NECAB3: variants seen among roughly 807,000 people sequenced by gnomAD.
NECAB3 encodes the protein N-terminal EF-hand calcium binding protein 3.
A neutral mutation model predicts 57.2 loss-of-function variants in NECAB3; 38 were observed. The observed-to-expected ratio is 0.66, with a 90% CI of 0.51 to 0.87. The LOEUF (loss-of-function observed/expected upper bound fraction) is 0.87. Among genes scored for constraint, NECAB3 ranks in the 40% least tolerant of loss-of-function variants. NECAB3 has a pLI of 0.00. For missense variants in NECAB3, 474 were observed against 527.5 expected, an observed-to-expected ratio of 0.90 and a Z score of 0.99; for synonymous variants, 223 against 222.6, an observed-to-expected ratio of 1.00 and a Z score of -0.02.
chr20:33,663,584 C>G, intron 5 of NECAB3: 1 of 1,611,492 alleles, frequency 6.2e-7, no homozygotes. Flanking sequence ...CTGGCCAACG[C>G]TGGGCAACGG....
chr20:33,659,861 C>G (rs2017408137), intron 7 of NECAB3, 24 bp downstream of exon 7: 6 of 1,539,978 alleles, frequency 3.9e-6, no homozygotes, highest in Non-Finnish European at 5.2e-6. Context: ...CTCGGCCAGG[C>G]CTCCCACCCC....
At chr20:33,663,762 G>C (rs1342781316) in intron 5 of NECAB3, 23 of 1,454,350 alleles carry the variant, frequency 1.6e-5, no homozygotes, top group Non-Finnish European at 2.1e-5. Context: ...TGAGCTGGCC[G>C]CGGCTGCTCT....
At chr20:33,668,071 T>A (rs756268963) in intron 5 of NECAB3, 1 of 1,579,174 alleles carries the variant, frequency 6.3e-7, no homozygotes, top group Non-Finnish European at 8.6e-7. Flanking sequence ...GCGGCACGGC[T>A]ACGCGGCCCT....
chr20:33,659,740 TG>T lies in NECAB3; in HGVS notation c.644-9del. 6.3e-7 allele frequency: 1 copy of T among 1,583,042 alleles called. No individual in the cohort carries two copies. The highest frequency in any genetic ancestry group is 1.1e-5 in the South Asian group (1 of 88,362). ...CGGCCTCTGAGCTGCGCCCTGTGTG[TG>T]GGGCCCGTGCAGGGTCAGGCAGGGG... On this transcript the variant is annotated splice_polypyrimidine_tract_variant and intron_variant, in intron 7 of 11. Transcript: ENST00000246190.
At chr20:33,665,245 G>C (rs2048140608) in intron 5 of NECAB3, 2 of 152,398 alleles carry the variant, frequency 1.3e-5, no homozygotes, top group African/African-American at 4.8e-5. Flanking sequence ...GGAGGCTGAG[G>C]CAGGCAGATC....
At chr20:33,672,219 T>C in intron 2 of NECAB3, 179 bp downstream of exon 2, 1 of 723,346 alleles carries the variant, frequency 1.4e-6, no homozygotes. Context: ...CTCTCCATCC[T>C]GCCAAACTTG....
In NECAB3 at chr20:33,658,489, G is replaced by C. The variant is rs987600067; in HGVS notation, c.1058C>G (p.Ala353Gly). ...CTGGCACTCATACCTTCTCCAGGAG[G>C]CCTCATCCTGCCAGAACTCATACAG... The part of the protein sequence containing the change: ...FTLYEFWQDE[A>G]SWRRHQQSPG... Residue 353 changes from alanine (A) to glycine (G), a missense_variant, in exon 10 of 12, where the codon GCC (alanine) becomes GGC (glycine). Physicochemically the swap from Ala to Gly is moderately conservative, Grantham distance 60 (BLOSUM62 0). Transcript: ENST00000246190. 5 of 1,613,988 alleles carry C rather than the reference G, an allele frequency of 3.1e-6. No homozygotes were observed. In the African/African-American group the frequency reaches 5.3e-5, roughly 17 times the overall value.
chr20:33,663,777 C>G, intron 5 of NECAB3: 1 of 1,434,664 alleles, frequency 7.0e-7, no homozygotes, highest in Non-Finnish European at 9.1e-7. Context: ...TGCTCTCGCG[C>G]TTCCGGTCCC....
chr20:33,662,546 G>T, intron 5 of NECAB3: 1 of 1,489,024 alleles, frequency 6.7e-7, no homozygotes. Context: ...TGGGTGGGAA[G>T]GGATGCTGGG....
At chr20:33,665,885 C>T (rs1290892683) in intron 5 of NECAB3, among the ~76,000 whole-genome samples, 1 of 152,138 alleles carries the variant, frequency 6.6e-6, no homozygotes, top group Non-Finnish European at 1.5e-5. Context: ...GAGTTCGAGA[C>T]CAGCCTGGCC....
At chr20:33,659,814 G>A in intron 7 of NECAB3, 71 bp downstream of exon 7, 2 of 1,531,384 alleles carry the variant, frequency 1.3e-6, no homozygotes, top group Non-Finnish European at 1.8e-6. Flanking sequence ...GGCAGTGAAG[G>A]AGCGGGCCCT....
intron 2 of NECAB3, among the ~76,000 whole-genome samples, chr20:33,671,672 G>C (rs747240941): frequency 2.6e-5 from 4 of 152,294 alleles, no homozygotes; most frequent in South Asian, 2.1e-4. Flanking sequence ...AGTCATCTAG[G>C]GGGAGCAGCC....
chr20:33,658,165 T>C, intron 10 of NECAB3, 132 bp from the exon 11 acceptor site: 1 of 801,398 alleles, frequency 1.2e-6, no homozygotes, highest in Non-Finnish European at 2.0e-6. Context: ...GGGGAAGCTG[T>C]GTGGGTGGAA....
At chr20:33,662,310 T>G (rs1329303500) in intron 5 of NECAB3, 1 of 1,548,080 alleles carries the variant, frequency 6.5e-7, no homozygotes, top group Non-Finnish European at 8.7e-7. Flanking sequence ...GCAGACGGAG[T>G]GTGGGCCATC....
In NECAB3 at chr20:33,674,366, G is replaced by A; in HGVS notation, c.-14C>T. The stretch of plus-strand genomic sequence containing the variant: ...CGCGCACGCCATGGCGCCGCCACCC[G>A]CTCGGGCTCGGCTGCGGTTGCTGCC... On this transcript the variant is annotated 5_prime_UTR_variant, in exon 1 of 12. Coordinates refer to ENST00000246190, the MANE Select transcript of NECAB3 (RefSeq NM_031232.4). The A allele has an allele frequency of 3.4e-6, 4 of 1,171,152 alleles. No individual in the cohort carries two copies. The highest frequency in any genetic ancestry group is 4.2e-6 in the Non-Finnish European group (4 of 949,032). The allele number at this position is 1,171,152 out of a possible 1,614,324, so 72.5% of individuals were successfully genotyped here.
chr20:33,668,803 T>G (rs1294010876), intron 5 of NECAB3, among the ~76,000 whole-genome samples: 1 of 152,248 alleles, frequency 6.6e-6, no homozygotes, highest in Admixed American at 6.5e-5. Flanking sequence ...AGATATTTCT[T>G]GAACACACAA....
At position 33,661,297 on chromosome 20, in the gene NECAB3, A is replaced by G. The variant is rs952317471; in HGVS notation, c.388-902T>C. 2.6e-5 allele frequency among the ~76,000 whole-genome samples: 4 copies of G among 151,238 alleles called. 1 individual carries two copies. Among genetic ancestry groups the G allele is most frequent in the African/African-American group, 9.7e-5 (4 of 41,216 alleles). ...TCCTGAGAATTGCCTAACCCCTACC[A>G]CACACACACACACGCATCAGGGTGG... On this transcript the variant is annotated intron_variant, in intron 5 of 11. Coordinates refer to ENST00000246190, the MANE Select transcript of NECAB3 (RefSeq NM_031232.4).
chr20:33,672,358 A>T, intron 2 of NECAB3, 40 bp downstream of exon 2: 1 of 1,613,320 alleles, frequency 6.2e-7, no homozygotes, highest in Non-Finnish European at 8.5e-7. Flanking sequence ...GATGCCTCCC[A>T]CCCTGCCCCA....
rs576975573 is a variant in NECAB3 at position 33,670,695 on chromosome 20, C to G, written c.252G>C (p.Gly84=). The stretch of plus-strand genomic sequence containing the variant: ...CCTCTCATACTCACTCGGTGAGATG[C>G]CCATCAATGCCGCTGAACAGTTCCT... ...ELQELFSGID[G]HLTDNLETEK... The change falls in exon 3 of 12, where the codon GGG becomes GGC. Residue 84 remains glycine (G), a synonymous_variant. Coordinates refer to ENST00000246190, the MANE Select transcript of NECAB3 (RefSeq NM_031232.4). The G allele has an allele frequency of 1.1e-5, 17 of 1,613,342 alleles. No individual in the cohort carries two copies. The highest frequency in any genetic ancestry group is 1.4e-5 in the Non-Finnish European group (16 of 1,179,418).
Sources: gnomAD v4.1 joint callset for allele counts (sites outside exome capture counted in the v4.1 genomes callset) on GRCh38, gnomAD v4.1.1 for gene constraint, MANE v1.5 for transcripts, NCBI Gene and HGNC (gene_info 2026-07-23, HGNC 2026-07-21) for gene names.